RBM41: variants seen among roughly 807,000 people sequenced by gnomAD.
RBM41 encodes RNA binding motif protein 41.
RBM41 carries 14 observed loss-of-function variants against 30.8 expected under a neutral mutation model. That is an observed-to-expected ratio of 0.45 (90% CI 0.30 to 0.71). The LOEUF is 0.71. Ranked by LOEUF, RBM41 falls within the 30% of genes least tolerant of loss-of-function variation. The pLI is 0.08. For synonymous variants in RBM41, 120 were observed against 110.1 expected (o/e 1.09, Z -0.56); for missense variants, 276 against 326.3 (o/e 0.85, Z 1.19).
chrX:107,107,893 A>C lies in RBM41; in HGVS notation c.595+5504T>G, dbSNP rs772613253. On this transcript the variant is annotated intron_variant, in intron 5 of 7. Coordinates refer to ENST00000685964, the MANE Select transcript of RBM41 (RefSeq NM_001324242.2). ...GCCAGAAGGATAAGAGAAAGGTTGT[A>C]GTCAGAGAGTACCATACTATAGTTG... Among the ~76,000 whole-genome samples, 7 of 111,507 alleles carry C rather than the reference A, an allele frequency of 6.3e-5. No individual in the cohort carries two copies. The South Asian group carries it at 2.6e-3, about 42-fold the overall frequency.
At chrX:107,077,089 G>A (rs1481565426) in intron 6 of RBM41, among the ~76,000 whole-genome samples, 2 of 111,635 alleles carry the variant, frequency 1.8e-5, no homozygotes, top group African/African-American at 6.5e-5. Context: ...CAAACTTCGA[G>A]TTTCTCATCC....
In RBM41 at chrX:107,098,415, A is replaced by G. The variant is rs943071702; in HGVS notation, c.596-9576T>C. Among the ~76,000 whole-genome samples the G allele has an allele frequency of 4.7e-4, 53 of 112,150 alleles. 1 individual carries two copies. In the Admixed American group the frequency reaches 5.0e-3, roughly 11 times the overall value. The stretch of plus-strand genomic sequence containing the variant: ...CTAAAACATCATAAAGCTAGACTGT[A>G]TGATATTGATTCTAAAATAGCCAAA... On this transcript the variant is annotated intron_variant, in intron 5 of 7. Coordinates refer to ENST00000685964, the MANE Select transcript of RBM41 (RefSeq NM_001324242.2).
At chrX:107,084,239 T>C (rs747797440) in intron 6 of RBM41, among the ~76,000 whole-genome samples, 1 of 110,985 alleles carries the variant, frequency 9.0e-6, no homozygotes, top group African/African-American at 3.3e-5. Flanking sequence ...ATTATTATAC[T>C]GAAGCTCTGT....
At chrX:107,110,458 A>G (rs1473229711) in intron 5 of RBM41, among the ~76,000 whole-genome samples, 1 of 111,619 alleles carries the variant, frequency 9.0e-6, no homozygotes, top group African/African-American at 3.2e-5. Context: ...CAAGACACAA[A>G]TAAATAGACA....
chrX:107,083,994 T>C (rs1429725027), intron 6 of RBM41, among the ~76,000 whole-genome samples: 2 of 108,283 alleles, frequency 1.8e-5, no homozygotes, highest in Non-Finnish European at 3.8e-5. Context: ...TAGGAACTAA[T>C]CCAAAGAGAC....
In RBM41 at chrX:107,066,242, T is replaced by A. The variant is rs1290417685; in HGVS notation, c.*1285A>T. The A allele has an allele frequency of 2.7e-5, 3 of 111,628 alleles. No homozygotes were observed. In the East Asian group the frequency reaches 8.3e-4, roughly 31 times the overall value. The allele number at this position is 111,628 out of a possible 1,213,427, so 9.2% of individuals were successfully genotyped here. ...CATTTTTCTCGTATTGCTGTTAAGA[T>A]TTTCTTTTCGTTTTTGGGTTTTAGC... On this transcript the variant is annotated 3_prime_UTR_variant, in exon 8 of 8. Transcript: ENST00000685964.
intron 6 of RBM41, among the ~76,000 whole-genome samples, chrX:107,076,595 A>G (rs957799127): frequency 9.0e-6 from 1 of 111,044 alleles, no homozygotes; most frequent in Non-Finnish European, 1.9e-5. Flanking sequence ...TTCGACAGGT[A>G]TAAAGTTTCA....
intron 6 of RBM41, among the ~76,000 whole-genome samples, chrX:107,083,701 T>G (rs759446479): frequency 9.0e-6 from 1 of 111,348 alleles, no homozygotes; most frequent in South Asian, 3.8e-4. Flanking sequence ...ATCAAAGGCA[T>G]TCTTCATTTG....
chrX:107,087,326 C>T (rs895273784), intron 6 of RBM41, among the ~76,000 whole-genome samples: 2 of 110,466 alleles, frequency 1.8e-5, no homozygotes, highest in Non-Finnish European at 3.8e-5. Context: ...TAAATACCCC[C>T]GAACTATTAG....
At chrX:107,068,537 C>T (rs1365934038) in intron 7 of RBM41, among the ~76,000 whole-genome samples, 8 of 111,073 alleles carry the variant, frequency 7.2e-5, no homozygotes, top group Admixed American at 9.6e-5. Flanking sequence ...ACTGGTATAG[C>T]GGATTTAAAA....
rs7885219 is a variant in RBM41, at chrX:107,118,684, C to A, written c.8+82G>T. On this transcript the variant is annotated intron_variant, in intron 1 of 7. Transcript: ENST00000685964. ...ATCCTGAGAACGTGCAATACCCAAA[C>A]CAGAAAGCAATGGAAGCCATTTTCA... The A allele has an allele frequency of 1.6e-3, 1,902 of 1,161,700 alleles. 25 individuals are homozygous for A. In the African/African-American group the frequency reaches 0.031, roughly 19 times the overall value.
At chrX:107,118,624 T>C (rs1421585438) in intron 1 of RBM41, 142 bp downstream of exon 1, 2 of 780,957 alleles carry the variant, frequency 2.6e-6, no homozygotes, top group Admixed American at 2.4e-5. Flanking sequence ...CCTCCTCCCG[T>C]CTCCTTTGTC....
rs749127222 is a variant in RBM41 at position 107,071,897 on chromosome X, C to T, written c.1000-2495G>A. On this transcript the variant is annotated intron_variant, in intron 6 of 7. Transcript: ENST00000685964. ...ATAGTACTGGAAGTTCTAGCCATAG[C>T]AAATAGGCAAGAAACAGAAATAAAA... Among the ~76,000 whole-genome samples the T allele has an allele frequency of 1.2e-3, 129 of 111,556 alleles. 1 individual carries two copies. The highest frequency in any genetic ancestry group is 2.2e-3 in the Non-Finnish European group (117 of 53,028).
At position 107,115,854 on chromosome X, in the gene RBM41, C is replaced by T; in HGVS notation, c.318+8G>A. On this transcript the variant is annotated splice_region_variant and intron_variant, in intron 3 of 7. Coordinates refer to ENST00000685964, the MANE Select transcript of RBM41 (RefSeq NM_001324242.2). ...AAAACCAACAAAAAAAAACATTACCCCACTCACCTTTTCACCAGAAACATG... is the reference window on the plus strand; with the variant it reads ...AAAACCAACAAAAAAAAACATTACCTCACTCACCTTTTCACCAGAAACATG... 1 of 1,169,904 alleles carries T rather than the reference C, an allele frequency of 8.5e-7. No individual in the cohort carries two copies. The highest frequency in any genetic ancestry group is 1.1e-6 in the Non-Finnish European group (1 of 874,041).
rs181971927 is a variant in RBM41 at position 107,065,779 on chromosome X, A to G, written c.*1748T>C. 86 of 1,147,912 alleles carry G rather than the reference A, an allele frequency of 7.5e-5. No homozygotes were observed. The East Asian group carries it at 1.9e-3, about 25-fold the overall frequency. 94.6% of individuals were successfully genotyped at this position (1,147,912 alleles called of 1,213,427 possible). ...TCAACCTGTTATCGGCAAATATATTATATTTTATACGTTATAGGCCAAACG... is the reference window on the plus strand; with the variant it reads ...TCAACCTGTTATCGGCAAATATATTGTATTTTATACGTTATAGGCCAAACG... On this transcript the variant is annotated 3_prime_UTR_variant, in exon 8 of 8. Transcript: ENST00000685964.
intron 5 of RBM41, among the ~76,000 whole-genome samples, chrX:107,091,660 T>C (rs186774853): frequency 6.2e-5 from 7 of 112,314 alleles, no homozygotes; most frequent in African/African-American, 2.3e-4. Flanking sequence ...AGGTTTTGGC[T>C]TATGGTTCCA....
chrX:107,057,432 C>G (rs946908038), downstream of RBM41, among the ~76,000 whole-genome samples: 4 of 111,818 alleles, frequency 3.6e-5, no homozygotes, highest in Non-Finnish European at 7.5e-5. Context: ...TTAATTTTAA[C>G]TCATTTGTGG....
At chrX:107,083,920 T>C (rs1419617584) in intron 6 of RBM41, among the ~76,000 whole-genome samples, 39 of 107,822 alleles carry the variant, frequency 3.6e-4, no homozygotes, top group Middle Eastern at 9.6e-3. Context: ...AATGTGTGTT[T>C]TTTTTTTTTT....
Position 107,067,201 on chromosome X carries a change from T to C in RBM41, c.*326A>G. 2 of 779,489 alleles carry C rather than the reference T, an allele frequency of 2.6e-6. No homozygotes were observed. The highest frequency in any genetic ancestry group is 3.1e-6 in the Non-Finnish European group (2 of 654,473). The allele number at this position is 779,489 out of a possible 1,213,427, so 64.2% of individuals were successfully genotyped here. ...AAGCAGTCTAAGAAAGAATGTTATC[T>C]CTAGAGACAAATATTGAGGACCCCA... On this transcript the variant is annotated 3_prime_UTR_variant, in exon 8 of 8. Coordinates refer to ENST00000685964, the MANE Select transcript of RBM41 (RefSeq NM_001324242.2).
Sources: allele counts gnomAD v4.1 joint callset (sites outside exome capture counted in the v4.1 genomes callset), GRCh38; gene constraint gnomAD v4.1.1; transcripts MANE v1.5; gene names NCBI Gene and HGNC (gene_info 2026-07-23, HGNC 2026-07-21).